TENM4: variants seen among roughly 807,000 people sequenced by gnomAD.
The protein encoded by TENM4 is teneurin-4.
TENM4 carries 82 observed loss-of-function variants against 243.3 expected under a neutral mutation model. The observed-to-expected ratio is 0.34, with a 90% CI of 0.28 to 0.40. The LOEUF is 0.40. Ranked by LOEUF, TENM4 falls within the 10% of genes least tolerant of loss-of-function variation. TENM4 has a pLI of 1.00. For missense variants in TENM4, 3,138 were observed against 3,673.3 expected (o/e 0.85, Z 3.77); for synonymous variants, 1,412 against 1,456.3 (o/e 0.97, Z 0.69).
At chr11:79,120,994 A>G (rs1861734058) in intron 4 of TENM4, among the ~76,000 whole-genome samples, 2 of 152,136 alleles carry the variant, frequency 1.3e-5, no homozygotes, top group Admixed American at 1.3e-4. Context: ...GTAATGGGAG[A>G]GCTTGGATTT....
At chr11:79,131,913 T>C (rs1353075267) in intron 4 of TENM4, among the ~76,000 whole-genome samples, 2 of 152,054 alleles carry the variant, frequency 1.3e-5, no homozygotes, top group African/African-American at 4.8e-5. Flanking sequence ...AAACAAACTT[T>C]AAAGCAACAG....
chr11:79,289,188 T>C (rs914634135), intron 2 of TENM4, among the ~76,000 whole-genome samples: 1 of 152,192 alleles, frequency 6.6e-6, no homozygotes, highest in Non-Finnish European at 1.5e-5. Flanking sequence ...ATTGATAATG[T>C]TTATCCAAAG....
At chr11:78,922,795 C>T (rs536971359) in intron 6 of TENM4, among the ~76,000 whole-genome samples, 216 of 152,142 alleles carry the variant, frequency 1.4e-3, no homozygotes, top group African/African-American at 5.1e-3. Flanking sequence ...GAGAGGCATT[C>T]GGGAGGTTAG....
intron 12 of TENM4, among the ~76,000 whole-genome samples, chr11:78,844,540 G>T (rs1791574): frequency 0.33 from 50,806 of 151,844 alleles, 8,895 homozygotes; most frequent in Middle Eastern, 0.48. Context: ...TACTTGGGAG[G>T]CTGAGGCAGG....
At chr11:78,737,083 G>A (rs1272016772) in intron 20 of TENM4, among the ~76,000 whole-genome samples, 2 of 152,200 alleles carry the variant, frequency 1.3e-5, no homozygotes, top group African/African-American at 4.8e-5. Flanking sequence ...CATCTCACAG[G>A]AGTGACTGGC....
intron 2 of TENM4, among the ~76,000 whole-genome samples, chr11:79,260,808 C>T (rs1271848203): frequency 2.6e-5 from 4 of 152,220 alleles, no homozygotes; most frequent in African/African-American, 4.8e-5. Context: ...ACTCCTGACA[C>T]AGACTGGCCT....
At chr11:78,814,152 G>T in intron 13 of TENM4, 142 bp downstream of exon 13, 1 of 710,958 alleles carries the variant, frequency 1.4e-6, no homozygotes, top group Non-Finnish European at 2.3e-6. Flanking sequence ...CCCTCCAAGG[G>T]CTTCTGGAGA....
intron 15 of TENM4, among the ~76,000 whole-genome samples, chr11:78,799,447 G>A (rs553225339): frequency 1.3e-5 from 2 of 152,342 alleles, no homozygotes; most frequent in African/African-American, 4.8e-5. Context: ...AATTACACTT[G>A]TTAGAGTCTA....
At chr11:79,194,730 A>T (rs1021376616) in intron 3 of TENM4, among the ~76,000 whole-genome samples, 1 of 152,340 alleles carries the variant, frequency 6.6e-6, no homozygotes, top group East Asian at 1.9e-4. Context: ...AGGGAAACAG[A>T]GCATAAAAGT....
rs146798828 is a variant in TENM4 at position 79,417,242 on chromosome 11, C to T, written c.-321+23267G>A. ...AAACATGTCTAGAGTTTCCTTTAGC[C>T]CAGAGACTAAGTCCTGGCACCAAGG... is the stretch of plus-strand genomic sequence containing the variant. On this transcript the variant is annotated intron_variant, in intron 1 of 33. Coordinates refer to ENST00000278550, the MANE Select transcript of TENM4 (RefSeq NM_001098816.3). Among the ~76,000 whole-genome samples, 7 of 152,268 alleles carry T rather than the reference C, an allele frequency of 4.6e-5. No homozygotes were observed. The East Asian group carries it at 1.4e-3, about 29-fold the overall frequency.
At chr11:78,876,067 T>C (rs1591090677) in intron 9 of TENM4, among the ~76,000 whole-genome samples, 2 of 152,190 alleles carry the variant, frequency 1.3e-5, no homozygotes, top group Non-Finnish European at 2.9e-5. Context: ...ACTGGATTTC[T>C]AGGTCCAGCG....
intron 6 of TENM4, among the ~76,000 whole-genome samples, chr11:79,050,968 T>C (rs1048484395): frequency 1.3e-5 from 2 of 152,194 alleles, no homozygotes; most frequent in African/African-American, 2.4e-5. Flanking sequence ...GAGAGAGTTA[T>C]GAACAGCTGT....
chr11:78,723,447 T>C (rs906107094), intron 23 of TENM4, among the ~76,000 whole-genome samples: 26 of 152,250 alleles, frequency 1.7e-4, no homozygotes, highest in African/African-American at 5.5e-4. Context: ...TACCAGTGAA[T>C]GTTTATAGAA....
chr11:78,751,717 C>G (rs543027588), intron 19 of TENM4, among the ~76,000 whole-genome samples: 1 of 152,336 alleles, frequency 6.6e-6, no homozygotes, highest in South Asian at 2.1e-4. Context: ...CCCAAGAGCA[C>G]AGATGCACCC....
Position 78,805,445 on chromosome 11 carries a change from C to G in TENM4, c.2026G>C (p.Gly676Arg). 1 of 1,597,836 alleles carries G rather than the reference C, an allele frequency of 6.3e-7. No homozygotes were observed. The highest frequency in any genetic ancestry group is 2.3e-5 in the East Asian group (1 of 44,024). Residue 676 changes from glycine (G) to arginine (R), a missense_variant, in exon 15 of 34, where the codon GGC becomes CGC. Gly to Arg is a moderately radical substitution (Grantham distance 125, BLOSUM62 -2). This residue lies in a region of TENM4 where 2,467 missense variants were observed against 3,059.1 expected (regional missense o/e 0.81). Transcript: ENST00000278550. ...TCSGRGVCVR[G>R]ECHCSVGWGG... ...CATCCCACAGAGCAGTGGCATTCGC[C>G]TCTCACGCAGACACCCCGGCCTGAA...
chr11:78,776,252 C>T (rs566079084), intron 17 of TENM4, among the ~76,000 whole-genome samples: 74 of 152,310 alleles, frequency 4.9e-4, no homozygotes, highest in Middle Eastern at 6.8e-3. Context: ...CAGACGCTTT[C>T]TTATACCCTC....
At chr11:79,439,608 C>A (rs942945114) in intron 1 of TENM4, among the ~76,000 whole-genome samples, 14 of 151,438 alleles carry the variant, frequency 9.2e-5, no homozygotes, top group African/African-American at 2.4e-4. Context: ...CTAGGTGAAC[C>A]CCCCGCCCTT....
chr11:79,347,538 A>G (rs1029545162), intron 1 of TENM4, among the ~76,000 whole-genome samples: 1 of 152,086 alleles, frequency 6.6e-6, no homozygotes, highest in African/African-American at 2.4e-5. Flanking sequence ...CTCCCCAGGG[A>G]GGACCTCATT....
At chr11:79,390,320 A>G (rs1277551689) in intron 1 of TENM4, among the ~76,000 whole-genome samples, 3 of 152,234 alleles carry the variant, frequency 2.0e-5, no homozygotes, top group Non-Finnish European at 4.4e-5. Context: ...GTGCCAGCAC[A>G]GTTAATGGGA....
Sources: gnomAD v4.1 joint callset for allele counts (sites outside exome capture counted in the v4.1 genomes callset) on GRCh38, gnomAD v4.1.1 for gene constraint, gnomAD v4.1.1 regional missense constraint, MANE v1.5 for transcripts, NCBI Gene and HGNC (gene_info 2026-07-23, HGNC 2026-07-21) for gene names.